NEU4: variants seen among roughly 807,000 people sequenced by gnomAD.
NEU4 encodes the protein sialidase-4.
In NEU4, 7 loss-of-function variants were observed where a neutral mutation model predicts 9.9. That is an observed-to-expected ratio of 0.71 (90% confidence interval 0.40 to 1.33). NEU4 has a LOEUF of 1.33. Among genes scored for constraint, NEU4 ranks in the 40% most tolerant of loss-of-function variants. NEU4 has a pLI of 0.01. For synonymous variants in NEU4, 348 were observed against 316.9 expected, an observed-to-expected ratio of 1.10 and a Z score of -1.04; for missense variants, 717 against 712.6, an observed-to-expected ratio of 1.01 and a Z score of -0.07.
At position 241,816,323 on chromosome 2, in the gene NEU4, C is replaced by A; in HGVS notation, c.730C>A (p.Pro244Thr). The A allele has an allele frequency of 6.3e-7, 1 of 1,577,776 alleles. No homozygotes were observed. Among genetic ancestry groups the A allele is most frequent in the Non-Finnish European group, 8.6e-7 (1 of 1,164,068 alleles). The part of the protein sequence containing the change: ...GSFLYCNARS[P>T]LGSRVQALST... ...CTTCCTCTACTGCAATGCCCGGAGC[C>A]CACTGGGCAGCCGTGTGCAGGCGCT... is the stretch of plus-strand genomic sequence containing the variant. Residue 244 changes from proline (P) to threonine (T), a missense_variant, in exon 4 of 4, where the codon CCA becomes ACA. Coordinates refer to ENST00000407683, the MANE Select transcript of NEU4 (RefSeq NM_001167600.3).
At chr2:241,814,777 G>A in intron 2 of NEU4, 92 bp downstream of exon 2, 1 of 1,517,894 alleles carries the variant, frequency 6.6e-7, no homozygotes, top group Non-Finnish European at 8.8e-7. Flanking sequence ...GCGGCGGCAG[G>A]CAGATGCCCG....
Position 241,816,345 on chromosome 2 carries a change from C to A in NEU4, c.752C>A (p.Ala251Glu). Residue 251 changes from alanine to glutamate, a missense_variant, in exon 4 of 4, where the codon GCG (alanine) becomes GAG (glutamate). Physicochemically the swap from Ala to Glu is moderately radical, Grantham distance 107. Transcript: ENST00000407683. ...AGCCCACTGGGCAGCCGTGTGCAGG[C>A]GCTCAGCACTGACGAGGGCACCTCC... ...ARSPLGSRVQ[A>E]LSTDEGTSFL... 6 of 1,582,280 alleles carry A rather than the reference C, an allele frequency of 3.8e-6. No individual in the cohort carries two copies. Among genetic ancestry groups the A allele is most frequent in the Non-Finnish European group, 5.1e-6 (6 of 1,167,090 alleles).
In NEU4 at chr2:241,817,029, G is replaced by A. The variant is rs1490841472; in HGVS notation, c.1436G>A (p.Gly479Glu). ...KPPNLGDKPR[G>E]CCWPS is the part of the protein sequence containing the mutation. ...CCCAACCTTGGGGACAAGCCTCGGGGGTGCTGCTGGCCCTCCTGACAGGCC... is the reference window on the plus strand; with the variant it reads ...CCCAACCTTGGGGACAAGCCTCGGGAGTGCTGCTGGCCCTCCTGACAGGCC... Residue 479 changes from glycine to glutamate, a missense_variant, in exon 4 of 4, where the codon GGG becomes GAG. By Grantham distance (98) the Gly-to-Glu change is moderately conservative. Transcript: ENST00000407683. 1.9e-6 allele frequency: 3 copies of A among 1,595,996 alleles called. No individual in the cohort carries two copies. The highest frequency in any genetic ancestry group is 2.6e-6 in the Non-Finnish European group (3 of 1,171,966).
rs990017784 is a variant in NEU4 at position 241,811,465 on chromosome 2, A to T, written c.-4+2191A>T. On this transcript the variant is annotated intron_variant, in intron 1 of 3. Coordinates refer to ENST00000407683, the MANE Select transcript of NEU4 (RefSeq NM_001167600.3). ...TGCAGCCTTCCCAAGGTGGCTGGTG[A>T]GTCCCTGCCCTTTGCACCCCCAGCA... 1.9e-6 allele frequency: 3 copies of T among 1,568,370 alleles called. No homozygotes were observed. The African/African-American group carries it at 4.1e-5, about 21-fold the overall frequency.
chr2:241,811,225 G>A, intron 1 of NEU4: 1 of 1,245,310 alleles, frequency 8.0e-7, no homozygotes, highest in Non-Finnish European at 1.0e-6. Flanking sequence ...GACCTGCAGA[G>A]GGGAGCCTGT....
chr2:241,814,896 G>A lies in NEU4; in HGVS notation c.206G>A (p.Gly69Asp). Reference sequence around the variant, plus strand: ...GGAACTTCCTCCTCTGGGCAGTGGGGTGCCCTGCACGTGCTGGGGACAGCA... The same window carrying A: ...GGAACTTCCTCCTCTGGGCAGTGGGATGCCCTGCACGTGCTGGGGACAGCA... ...GTLAGGSVRW[G>D]ALHVLGTAAL... is the part of the protein sequence containing the mutation. The change falls in exon 3 of 4, where the codon GGT (glycine) becomes GAT (aspartate). Residue 69 changes from glycine (G) to aspartate (D), a missense_variant. Transcript: ENST00000407683. 1 of 1,608,498 alleles carries A rather than the reference G, an allele frequency of 6.2e-7. No individual in the cohort carries two copies. Among genetic ancestry groups the A allele is most frequent in the South Asian group, 1.1e-5 (1 of 90,842 alleles).
chr2:241,811,086 C>A (rs1391521377), intron 1 of NEU4: 1 of 1,166,722 alleles, frequency 8.6e-7, no homozygotes, highest in African/African-American at 1.6e-5. Flanking sequence ...GGCAGGGCCG[C>A]GTCTCTGGAG....
rs1700382164 is a variant in NEU4, at chr2:241,817,127, T to G, written c.*79T>G. The stretch of plus-strand genomic sequence containing the variant: ...ATACGTTGGGGTGCCCCACGATAGC[T>G]GTGGGGGGGGCTCTTAGTGCAGGAT... On this transcript the variant is annotated 3_prime_UTR_variant, in exon 4 of 4. Transcript: ENST00000407683. The G allele has an allele frequency of 3.6e-6, 5 of 1,379,584 alleles. No individual in the cohort carries two copies. Among genetic ancestry groups the G allele is most frequent in the Non-Finnish European group, 4.8e-6 (5 of 1,042,892 alleles). The allele number at this position is 1,379,584 out of a possible 1,614,324, so 85.5% of individuals were successfully genotyped here.
At position 241,815,565 on chromosome 2, in the gene NEU4, T is replaced by C. The variant is rs564950110; in HGVS notation, c.457+418T>C. ...GAGGAGAAGGCTGGACGCTGAGGTG[T>C]CTCTCAGCTCCCAAACCAACAGCCA... On this transcript the variant is annotated intron_variant, in intron 3 of 3. Coordinates refer to ENST00000407683, the MANE Select transcript of NEU4 (RefSeq NM_001167600.3). The C allele has an allele frequency of 2.4e-5, 12 of 498,054 alleles. No individual in the cohort carries two copies. In the East Asian group the frequency reaches 7.8e-4, roughly 32 times the overall value. 30.9% of individuals were successfully genotyped at this position (498,054 alleles called of 1,614,324 possible).
chr2:241,816,928 C>T lies in NEU4; in HGVS notation c.1335C>T (p.Thr445=), dbSNP rs1439611202. The T allele has an allele frequency of 6.2e-7, 1 of 1,612,804 alleles. No homozygotes were observed. The highest frequency in any genetic ancestry group is 8.5e-7 in the Non-Finnish European group (1 of 1,179,970). ...FACLYESGAR[T]SYDEISFCTF... is the part of the protein sequence containing the mutation. ...GCCTGTACGAGAGCGGGGCCAGGAC[C>T]TCCTATGATGAGATTTCCTTTTGTA... Residue 445 remains threonine (T), a synonymous_variant, in exon 4 of 4, where the codon ACC becomes ACT. Transcript: ENST00000407683.
At chr2:241,815,996 C>T in intron 3 of NEU4, 55 bp from the exon 4 acceptor site, 3 of 1,485,684 alleles carry the variant, frequency 2.0e-6, no homozygotes, top group East Asian at 2.4e-5. Context: ...CTTCCTCCAG[C>T]CCCCCGACCT....
rs1423528635 is a variant in NEU4 at position 241,816,037 on chromosome 2, C to T, written c.458-14C>T. On this transcript the variant is annotated splice_polypyrimidine_tract_variant and intron_variant, in intron 3 of 3. Coordinates refer to ENST00000407683, the MANE Select transcript of NEU4 (RefSeq NM_001167600.3). ...ACCCAGCAGCCCCTCCCACCTCTGCCCTCCTCCCTGCAGACTGGGCCACAT... is the reference window on the plus strand; with the variant it reads ...ACCCAGCAGCCCCTCCCACCTCTGCTCTCCTCCCTGCAGACTGGGCCACAT... 1 of 1,585,318 alleles carries T rather than the reference C, an allele frequency of 6.3e-7. No homozygotes were observed. The highest frequency in any genetic ancestry group is 8.6e-7 in the Non-Finnish European group (1 of 1,166,776).
At position 241,809,278 on chromosome 2, in the gene NEU4, C is replaced by T. The variant is rs1041186898; in HGVS notation, c.-4+4C>T. On this transcript the variant is annotated splice_donor_region_variant and intron_variant, in intron 1 of 3. Transcript: ENST00000407683. The stretch of plus-strand genomic sequence containing the variant: ...AGGTTGGCGGGAACTGAAACTGGTA[C>T]GGTCTTTTTGAATAGAAATTTGGGG... 18 of 1,286,578 alleles carry T rather than the reference C, an allele frequency of 1.4e-5. No homozygotes were observed. Among genetic ancestry groups the T allele is most frequent in the East Asian group, 1.1e-4 (2 of 18,016 alleles). The allele number at this position is 1,286,578 out of a possible 1,614,324, so 79.7% of individuals were successfully genotyped here.
At chr2:241,810,889 T>C (rs1440874404) in intron 1 of NEU4, 1 of 985,434 alleles carries the variant, frequency 1.0e-6, no homozygotes, top group East Asian at 1.1e-4. Flanking sequence ...GCACGGCAGC[T>C]GTGCTGGGGA....
In NEU4 at chr2:241,811,395, T is replaced by C. The variant is rs774263526; in HGVS notation, c.-4+2121T>C. 2.6e-6 allele frequency: 4 copies of C among 1,525,996 alleles called. No homozygotes were observed. The East Asian group carries it at 7.5e-5, about 29-fold the overall frequency. The allele number at this position is 1,525,996 out of a possible 1,614,324, so 94.5% of individuals were successfully genotyped here. ...GCCTGCTGCCCGCACAGTGGGCCCT[T>C]GTCTCTGCTCTGGGTCAGGCGAGGC... On this transcript the variant is annotated intron_variant, in intron 1 of 3. Transcript: ENST00000407683.
intron 1 of NEU4, 122 bp downstream of exon 1, chr2:241,809,396 T>C: frequency 2.2e-6 from 1 of 463,596 alleles, no homozygotes; most frequent in Non-Finnish European, 3.8e-6. Flanking sequence ...GCGGTTAAAA[T>C]GCTGCCACGT....
Position 241,816,279 on chromosome 2 carries a change from A to G in NEU4, c.686A>G (p.Asp229Gly), listed in dbSNP as rs776647244. ...RSGECQLAAVDGGQAGSFLYC... is the reference protein window; with the variant it reads ...RSGECQLAAVGGGQAGSFLYC... ...GGCGAGTGCCAGCTGGCAGCGGTGG[A>G]CGGTGGGCAGGCCGGCAGCTTCCTC... Residue 229 changes from aspartate (D) to glycine (G), a missense_variant, in exon 4 of 4, where the codon GAC (aspartate) becomes GGC (glycine). Physicochemically the swap from Asp to Gly is moderately conservative, Grantham distance 94. Coordinates refer to ENST00000407683, the MANE Select transcript of NEU4 (RefSeq NM_001167600.3). The G allele has an allele frequency of 1.3e-6, 2 of 1,585,320 alleles. No homozygotes were observed. The highest frequency in any genetic ancestry group is 1.7e-6 in the Non-Finnish European group (2 of 1,167,090).
At chr2:241,811,393 C>A (rs763058121) in intron 1 of NEU4, 8 of 1,524,344 alleles carry the variant, frequency 5.2e-6, no homozygotes, top group Non-Finnish European at 7.1e-6. Flanking sequence ...ACAGTGGGCC[C>A]TTGTCTCTGC....
chr2:241,816,940 G>T lies in NEU4; in HGVS notation c.1347G>T (p.Glu449Asp), dbSNP rs1700370627. The T allele has an allele frequency of 1.9e-6, 3 of 1,612,744 alleles. No homozygotes were observed. The highest frequency in any genetic ancestry group is 2.5e-6 in the Non-Finnish European group (3 of 1,179,942). ...YESGARTSYD[E>D]ISFCTFSLRE... is the part of the protein sequence containing the mutation. ...GCGGGGCCAGGACCTCCTATGATGAGATTTCCTTTTGTACATTCTCCCTGC... is the reference window on the plus strand; with the variant it reads ...GCGGGGCCAGGACCTCCTATGATGATATTTCCTTTTGTACATTCTCCCTGC... The change falls in exon 4 of 4, where the codon GAG (glutamate) becomes GAT (aspartate). Residue 449 changes from glutamate to aspartate, a missense_variant. By Grantham distance (45) the Glu-to-Asp change is conservative. Coordinates refer to ENST00000407683, the MANE Select transcript of NEU4 (RefSeq NM_001167600.3).
Sources: gnomAD v4.1 joint callset for allele counts on GRCh38, gnomAD v4.1.1 for gene constraint, MANE v1.5 for transcripts, NCBI Gene and HGNC (gene_info 2026-07-23, HGNC 2026-07-21) for gene names.